Variants in EYS observed in about 807,000 individuals in gnomAD.
EYS encodes EGF-like photoreceptor maintenance factor.
EYS carries 250 observed loss-of-function variants against 282.1 expected under a neutral mutation model. The observed-to-expected ratio is 0.89, with a 90% CI of 0.80 to 0.98. The LOEUF is 0.98. Among genes scored for constraint, EYS ranks in the 50% least tolerant of loss-of-function variants. The pLI is 0.00. For missense variants in EYS, 4,016 were observed against 3,709.0 expected, an observed-to-expected ratio of 1.08 and a Z score of -2.15; for synonymous variants, 1,355 against 1,282.9, an observed-to-expected ratio of 1.06 and a Z score of -1.20.
intron 13 of EYS, among the ~76,000 whole-genome samples, chr6:65,015,756 C>T (rs1415079938): frequency 1.2e-4 from 18 of 150,282 alleles, no homozygotes; most frequent in Non-Finnish European, 8.9e-5. Context: ...ATTGTACCAC[C>T]GGGTGCAGTG....
intron 2 of EYS, among the ~76,000 whole-genome samples, chr6:65,544,611 C>T (rs1342777860): frequency 6.6e-6 from 1 of 152,118 alleles, no homozygotes; most frequent in African/African-American, 2.4e-5. Context: ...TTCCCCAGCC[C>T]TGAAGAACTG....
chr6:65,643,653 AC>A (rs2149814755), intron 1 of EYS, among the ~76,000 whole-genome samples: 1 of 152,092 alleles, frequency 6.6e-6, no homozygotes, highest in African/African-American at 2.4e-5. Flanking sequence ...CAAAAACACA[AC>A]CAAAGACCCT....
chr6:65,603,803 A>G (rs967540886), intron 2 of EYS, among the ~76,000 whole-genome samples: 2 of 151,892 alleles, frequency 1.3e-5, no homozygotes, highest in African/African-American at 4.8e-5. Context: ...AACCTGTTGT[A>G]TAAATTATAC....
At chr6:63,810,304 A>ACC (rs35022381) in intron 36 of EYS, among the ~76,000 whole-genome samples, 92 of 107,488 alleles carry the variant, frequency 8.6e-4, no homozygotes, top group African/African-American at 1.4e-3. Flanking sequence ...GACAAAAACA[A>ACC]CCCCCCCCCC....
intron 1 of EYS, among the ~76,000 whole-genome samples, chr6:65,656,937 T>C (rs1311897855): frequency 1.3e-5 from 2 of 151,930 alleles, no homozygotes; most frequent in East Asian, 1.9e-4. Context: ...CTAATGTAGC[T>C]GGTGATTTTA....
At chr6:65,139,125 T>G (rs545111280) in intron 12 of EYS, among the ~76,000 whole-genome samples, 1 of 152,198 alleles carries the variant, frequency 6.6e-6, no homozygotes, top group African/African-American at 2.4e-5. Flanking sequence ...TAAAGACTCA[T>G]GCACACATAT....
intron 31 of EYS, among the ~76,000 whole-genome samples, chr6:64,162,038 A>AT (rs1775122491): frequency 6.6e-6 from 1 of 152,172 alleles, no homozygotes; most frequent in Non-Finnish European, 1.5e-5. Context: ...AGATTCCCTT[A>AT]AAACCTATAC....
rs562814073 is a variant in EYS, at chr6:65,192,055, A to G, written c.2023+103808T>C. On this transcript the variant is annotated intron_variant, in intron 12 of 42. Transcript: ENST00000503581. Reference sequence around the variant, plus strand: ...TTGAAATGGCCAATGTAAGGAAAGAAAAAGATTAAATATATTCAACTGGCC... The same window carrying G: ...TTGAAATGGCCAATGTAAGGAAAGAGAAAGATTAAATATATTCAACTGGCC... Among the ~76,000 whole-genome samples, 65 of 151,950 alleles carry G rather than the reference A, an allele frequency of 4.3e-4. No homozygotes were observed. The Middle Eastern group carries it at 0.01, about 24-fold the overall frequency.
At chr6:64,883,304 G>T (rs747851115) in intron 19 of EYS, among the ~76,000 whole-genome samples, 4 of 151,280 alleles carry the variant, frequency 2.6e-5, no homozygotes, top group African/African-American at 9.7e-5. Flanking sequence ...AATGTGCATC[G>T]CTTTGAAGCA....
chr6:65,410,744 C>G (rs985706197), intron 5 of EYS, among the ~76,000 whole-genome samples: 1 of 151,586 alleles, frequency 6.6e-6, no homozygotes, highest in Admixed American at 6.6e-5. Context: ...GATATTTTTA[C>G]CCCCTGTTTA....
intron 1 of EYS, among the ~76,000 whole-genome samples, chr6:65,688,862 A>T (rs1309779126): frequency 2.0e-5 from 3 of 151,870 alleles, no homozygotes; most frequent in Non-Finnish European, 4.4e-5. Context: ...ATCATTAAAA[A>T]GTCAGGAAAC....
At chr6:64,173,323 A>G (rs1764536632) in intron 31 of EYS, among the ~76,000 whole-genome samples, 1 of 152,162 alleles carries the variant, frequency 6.6e-6, no homozygotes, top group African/African-American at 2.4e-5. Context: ...TCATATAAAT[A>G]CAAACTTTGT....
Position 64,989,681 on chromosome 6 carries a change from T to C in EYS, c.2259+7901A>G, listed in dbSNP as rs959707425. ...ATATTATTTATTTTTATACATTAAA[T>C]TTTATATCTTACATATTTCTTATGT... On this transcript the variant is annotated intron_variant, in intron 14 of 42. Coordinates refer to ENST00000503581, the MANE Select transcript of EYS (RefSeq NM_001142800.2). 9.3e-4 allele frequency among the ~76,000 whole-genome samples: 135 copies of C among 144,966 alleles called. 1 individual carries two copies. The highest frequency in any genetic ancestry group is 3.3e-3 in the African/African-American group (131 of 40,158).
At chr6:64,987,343 A>T (rs1341222394) in intron 14 of EYS, among the ~76,000 whole-genome samples, 2 of 151,572 alleles carry the variant, frequency 1.3e-5, no homozygotes, top group Non-Finnish European at 3.0e-5. Flanking sequence ...ATACTTATGC[A>T]CTATGGCTCT....
At chr6:64,927,087 T>C (rs1344555767) in intron 15 of EYS, among the ~76,000 whole-genome samples, 1 of 152,172 alleles carries the variant, frequency 6.6e-6, no homozygotes, top group Admixed American at 6.5e-5. Context: ...AATGTTCAAA[T>C]GCACATCTTT....
intron 22 of EYS, among the ~76,000 whole-genome samples, chr6:64,677,923 T>TAA (rs369342291): frequency 6.9e-6 from 1 of 145,796 alleles, no homozygotes; most frequent in Admixed American, 6.8e-5. Context: ...AATTTAAAAG[T>TAA]AAAAAAAAAA....
chr6:64,313,740 G>A (rs1430235215), intron 29 of EYS, among the ~76,000 whole-genome samples: 5 of 152,132 alleles, frequency 3.3e-5, no homozygotes, highest in African/African-American at 4.8e-5. Context: ...AGAATTTTCA[G>A]TCGAGAATTT....
At chr6:64,675,146 C>G (rs966836975) in intron 22 of EYS, among the ~76,000 whole-genome samples, 3 of 151,922 alleles carry the variant, frequency 2.0e-5, no homozygotes, top group African/African-American at 7.3e-5. Flanking sequence ...ATTTTTGGCT[C>G]ATTTTTTCTA....
intron 12 of EYS, among the ~76,000 whole-genome samples, chr6:65,206,735 A>G (rs968060382): frequency 2.6e-5 from 4 of 151,904 alleles, no homozygotes; most frequent in Non-Finnish European, 4.4e-5. Flanking sequence ...CAAATCAATG[A>G]ATGTGATCCA....
Sources: gnomAD v4.1 joint callset for allele counts (sites outside exome capture counted in the v4.1 genomes callset) on GRCh38, gnomAD v4.1.1 for gene constraint, MANE v1.5 for transcripts, NCBI Gene and HGNC (gene_info 2026-07-23, HGNC 2026-07-21) for gene names.